TMEM273: variants seen among roughly 807,000 people sequenced by gnomAD.
The protein encoded by TMEM273 is chromosome 10 open reading frame 128.
A neutral mutation model predicts 17.9 loss-of-function variants in TMEM273; 19 were observed. The observed-to-expected ratio is 1.06, with a 90% CI of 0.74 to 1.55. The LOEUF is 1.55. Ranked by LOEUF, TMEM273 falls within the 40% of genes most tolerant of loss-of-function variation. The probability of loss-of-function intolerance (pLI) is 0.00; values close to 1 mark genes in which losing one functional copy is unlikely to be tolerated. For missense variants in TMEM273, 194 were observed against 155.6 expected (o/e 1.25, Z -1.31); for synonymous variants, 66 against 62.0 (o/e 1.07, Z -0.31).
At chr10:49,169,756 C>G (rs1335937439) in intron 1 of TMEM273, among the ~76,000 whole-genome samples, 1 of 152,186 alleles carries the variant, frequency 6.6e-6, no homozygotes, top group Non-Finnish European at 1.5e-5. Flanking sequence ...GGTTGAACAT[C>G]GTTCCGGACA....
At chr10:49,155,977 T>C (rs903445737) in intron 6 of TMEM273, 68 bp from the exon 7 acceptor site, 11 of 1,611,146 alleles carry the variant, frequency 6.8e-6, no homozygotes, top group Non-Finnish European at 9.3e-6. Context: ...ATTGCATGTG[T>C]TTATGCAATT....
chr10:49,182,154 G>T (rs1362167851), intron 1 of TMEM273, among the ~76,000 whole-genome samples: 2 of 152,166 alleles, frequency 1.3e-5, no homozygotes, highest in Non-Finnish European at 2.9e-5. Flanking sequence ...TGTTACGTTT[G>T]TAGAGATTTG....
intron 1 of TMEM273, among the ~76,000 whole-genome samples, chr10:49,173,631 A>G (rs115254445): frequency 0.011 from 1,749 of 152,232 alleles, 26 homozygotes; most frequent in African/African-American, 0.04. Flanking sequence ...AGCTTGCTCT[A>G]TGGCATGAAG....
At chr10:49,168,690 A>G (rs868541131) in intron 1 of TMEM273, among the ~76,000 whole-genome samples, 51 of 66,320 alleles carry the variant, frequency 7.7e-4, no homozygotes, top group South Asian at 1.8e-3. Context: ...GGAAGGAAGG[A>G]AGGGAGGGAG....
At chr10:49,167,060 C>A (rs1212970752) in intron 2 of TMEM273, 51 bp from the exon 3 acceptor site, 10 of 1,600,698 alleles carry the variant, frequency 6.2e-6, no homozygotes, top group Non-Finnish European at 8.5e-6. Context: ...CTGCAGCTCC[C>A]TCTGCATTCC....
intron 1 of TMEM273, among the ~76,000 whole-genome samples, chr10:49,186,398 TC>T (rs1228669911): frequency 6.6e-6 from 1 of 152,222 alleles, no homozygotes; most frequent in Non-Finnish European, 1.5e-5. Flanking sequence ...TATTATTTCA[TC>T]AGGTTATATT....
At chr10:49,158,628 G>A (rs1845657462) in intron 6 of TMEM273, among the ~76,000 whole-genome samples, 1 of 152,198 alleles carries the variant, frequency 6.6e-6, no homozygotes, top group South Asian at 2.1e-4. Flanking sequence ...GCCTCTCCAG[G>A]AAGCTCTCAG....
At chr10:49,178,238 C>G (rs748283317) in intron 1 of TMEM273, 2 of 457,208 alleles carry the variant, frequency 4.4e-6, no homozygotes, top group Admixed American at 2.3e-5. Context: ...TGCCCTTGCC[C>G]GGGGCCTCAG....
chr10:49,155,649 G>A lies in TMEM273; in HGVS notation c.*243C>T. On this transcript the variant is annotated 3_prime_UTR_variant, in exon 7 of 7. Coordinates refer to ENST00000374153, the MANE Select transcript of TMEM273 (RefSeq NM_001288740.3). ...CTTTTGGTGTCCACCTTCTTCCACT[G>A]CAGGCTAAATTGCTCAATCCTTCCT... is the stretch of plus-strand genomic sequence containing the variant. 1.7e-6 allele frequency: 1 copy of A among 589,532 alleles called. No homozygotes were observed. The highest frequency in any genetic ancestry group is 2.9e-5 in the East Asian group (1 of 34,792). The allele number at this position is 589,532 out of a possible 1,614,324, so 36.5% of individuals were successfully genotyped here.
chr10:49,165,828 G>A, intron 3 of TMEM273, 32 bp from the exon 4 acceptor site: 1 of 1,613,824 alleles, frequency 6.2e-7, no homozygotes, highest in East Asian at 2.2e-5. Flanking sequence ...TTAGGAAGGG[G>A]GTCGTGTGAC....
Position 49,188,362 on chromosome 10 carries a change from G to T in TMEM273, c.-26C>A. 1.2e-6 allele frequency: 2 copies of T among 1,614,028 alleles called. No individual in the cohort carries two copies. The highest frequency in any genetic ancestry group is 1.7e-6 in the Non-Finnish European group (2 of 1,179,968). On this transcript the variant is annotated 5_prime_UTR_variant, in exon 1 of 7. Transcript: ENST00000374153. ...GCTGGCGCTCTGCTCTTGGCTCCTG[G>T]CTCCTGGCTGCTGGCAGCGCAGGCA... is the stretch of plus-strand genomic sequence containing the variant.
intron 6 of TMEM273, chr10:49,160,815 G>A (rs1034284070): frequency 1.3e-5 from 2 of 152,172 alleles, no homozygotes; most frequent in African/African-American, 2.4e-5. Flanking sequence ...GTGTCAGTGA[G>A]TGACCCTAGG....
chr10:49,166,853 G>A lies in TMEM273; in HGVS notation c.238+16C>T. On this transcript the variant is annotated intron_variant, in intron 3 of 6. Transcript: ENST00000374153. ...CTGGGTGGGGCAGAGCCAGGCCCGA[G>A]CACCACATCCCTCACCACTGAGGCC... 3 of 1,612,990 alleles carry A rather than the reference G, an allele frequency of 1.9e-6. No individual in the cohort carries two copies. Among genetic ancestry groups the A allele is most frequent in the Non-Finnish European group, 2.5e-6 (3 of 1,179,934 alleles).
At chr10:49,168,450 T>A (rs1846337453) in intron 1 of TMEM273, among the ~76,000 whole-genome samples, 1 of 152,252 alleles carries the variant, frequency 6.6e-6, no homozygotes, top group African/African-American at 2.4e-5. Context: ...TCCGTAGCCG[T>A]GGTGCTTGCC....
At chr10:49,181,216 G>A (rs912558539) in intron 1 of TMEM273, among the ~76,000 whole-genome samples, 1 of 152,054 alleles carries the variant, frequency 6.6e-6, no homozygotes, top group Non-Finnish European at 1.5e-5. Flanking sequence ...AAATCCAGAA[G>A]GATCTTAATA....
chr10:49,165,189 CGA>C lies in TMEM273; in HGVS notation c.348+14_348+15del. The C allele has an allele frequency of 6.5e-7, 1 of 1,539,710 alleles. No individual in the cohort carries two copies. ...AAGAGAAGAGAATGGTGGCTGGAGTCGAGAGGGGATTGTACCTTAAATAGGCC... is the reference window on the plus strand; with the variant it reads ...AAGAGAAGAGAATGGTGGCTGGAGTCGAGGGGATTGTACCTTAAATAGGCC... On this transcript the variant is annotated intron_variant, in intron 5 of 6. Coordinates refer to ENST00000374153, the MANE Select transcript of TMEM273 (RefSeq NM_001288740.3).
chr10:49,162,290 T>TAA, intron 5 of TMEM273, among the ~76,000 whole-genome samples: 1 of 152,282 alleles, frequency 6.6e-6, no homozygotes, highest in African/African-American at 2.4e-5. Flanking sequence ...AATGGCCACA[T>TAA]GCACATACAC....
chr10:49,179,535 T>G (rs1847209732), intron 1 of TMEM273, among the ~76,000 whole-genome samples: 1 of 152,226 alleles, frequency 6.6e-6, no homozygotes, highest in Non-Finnish European at 1.5e-5. Flanking sequence ...AAACTTACTT[T>G]TCTGGAAAGA....
chr10:49,170,904 A>AGGG (rs1244435992), intron 1 of TMEM273, among the ~76,000 whole-genome samples: 3 of 152,192 alleles, frequency 2.0e-5, no homozygotes, highest in African/African-American at 7.2e-5. Flanking sequence ...GCAAGCCTCC[A>AGGG]GCACTGGCTG....
Sources: gnomAD v4.1 joint callset for allele counts (sites outside exome capture counted in the v4.1 genomes callset) on GRCh38, gnomAD v4.1.1 for gene constraint, MANE v1.5 for transcripts, NCBI Gene and HGNC (gene_info 2026-07-23, HGNC 2026-07-21) for gene names.